GRK5: variants seen among roughly 807,000 people sequenced by gnomAD.
GRK5 encodes the protein g protein-coupled receptor kinase GRK5.
Under a neutral mutation model 78.4 loss-of-function variants are expected in GRK5, and 40 were observed. That is an observed-to-expected ratio of 0.51 (90% CI 0.40 to 0.66). GRK5 has a LOEUF of 0.66. GRK5 is among the 30% of genes least tolerant of loss of function. GRK5 has a pLI of 0.00. For synonymous variants in GRK5, 289 were observed against 296.8 expected, an observed-to-expected ratio of 0.97 and a Z score of 0.27; for missense variants, 598 against 759.9, an observed-to-expected ratio of 0.79 and a Z score of 2.50.
intron 3 of GRK5, among the ~76,000 whole-genome samples, chr10:119,391,723 C>T (rs1464720550): frequency 5.9e-5 from 9 of 152,164 alleles, no homozygotes; most frequent in South Asian, 2.1e-4. Context: ...TCTGGAGGGG[C>T]GGCCCACGTG....
chr10:119,406,103 C>T (rs1048662481), intron 4 of GRK5, among the ~76,000 whole-genome samples: 5 of 152,150 alleles, frequency 3.3e-5, no homozygotes, highest in Non-Finnish European at 5.9e-5. Context: ...GCACTGCCTG[C>T]GACTTTCTAC....
chr10:119,394,294 C>CCGTGTATCTATGTGTGTGTGTG, intron 3 of GRK5, among the ~76,000 whole-genome samples: 1 of 4,036 alleles, frequency 2.5e-4, no homozygotes, highest in African/African-American at 1.1e-3. Flanking sequence ...GGGTGTGTAT[C>CCGTGTATCTATGTGTGTGTGTG]TGTGTGTCTG....
intron 1 of GRK5, among the ~76,000 whole-genome samples, chr10:119,276,361 T>G (rs920187630): frequency 6.6e-6 from 1 of 152,190 alleles, no homozygotes; most frequent in East Asian, 1.9e-4. Flanking sequence ...TTTGGTTTTT[T>G]GTCCTTGCTA....
At chr10:119,343,162 G>A (rs1488520116) in intron 2 of GRK5, among the ~76,000 whole-genome samples, 3 of 152,196 alleles carry the variant, frequency 2.0e-5, no homozygotes, top group South Asian at 2.1e-4. Flanking sequence ...TGTGCAAGGC[G>A]GGTGGCTGCC....
At chr10:119,371,008 A>G (rs576529951) in intron 2 of GRK5, among the ~76,000 whole-genome samples, 1 of 129,506 alleles carries the variant, frequency 7.7e-6, no homozygotes, top group South Asian at 2.8e-4. Flanking sequence ...TTTACAATCA[A>G]CATGTGGTTT....
chr10:119,262,672 C>T (rs1171216472), intron 1 of GRK5, among the ~76,000 whole-genome samples: 1 of 152,006 alleles, frequency 6.6e-6, no homozygotes, highest in African/African-American at 2.4e-5. Context: ...TTTGCCTTGG[C>T]TTCAGGAAAT....
At chr10:119,413,520 A>G (rs1052601969) in intron 4 of GRK5, among the ~76,000 whole-genome samples, 38 of 152,114 alleles carry the variant, frequency 2.5e-4, no homozygotes, top group Non-Finnish European at 2.2e-4. Context: ...AGGGTTTGGA[A>G]CTGGGCAGGC....
At chr10:119,331,373 G>T (rs900454121) in intron 2 of GRK5, among the ~76,000 whole-genome samples, 1 of 152,270 alleles carries the variant, frequency 6.6e-6, no homozygotes, top group South Asian at 2.1e-4. Context: ...ACGGGGCCAG[G>T]GTCTGGGCCT....
intron 12 of GRK5, among the ~76,000 whole-genome samples, chr10:119,444,832 A>G (rs925039084): frequency 2.0e-5 from 3 of 152,198 alleles, no homozygotes; most frequent in Non-Finnish European, 4.4e-5. Context: ...CAGCGTGTGC[A>G]TTGACAACCC....
intron 2 of GRK5, among the ~76,000 whole-genome samples, chr10:119,342,568 G>A (rs921036029): frequency 4.6e-5 from 7 of 152,136 alleles, no homozygotes; most frequent in Non-Finnish European, 5.9e-5. Context: ...CCTCACAGCC[G>A]TTCATCATCG....
At chr10:119,278,949 C>T (rs997291048) in intron 1 of GRK5, among the ~76,000 whole-genome samples, 1 of 152,212 alleles carries the variant, frequency 6.6e-6, no homozygotes, top group Non-Finnish European at 1.5e-5. Flanking sequence ...GCAGTCTTGG[C>T]TCACTGCAAC....
At chr10:119,394,368 G>C (rs1851976381) in intron 3 of GRK5, among the ~76,000 whole-genome samples, 4 of 110,924 alleles carry the variant, frequency 3.6e-5, no homozygotes, top group Non-Finnish European at 6.0e-5. Context: ...GTGGGTGTGT[G>C]TGGGTGTCGG....
At chr10:119,437,892 G>A (rs1852955055) in intron 9 of GRK5, among the ~76,000 whole-genome samples, 1 of 152,198 alleles carries the variant, frequency 6.6e-6, no homozygotes, top group South Asian at 2.1e-4. Context: ...GAGGTCAGTG[G>A]TTTGAGATCA....
intron 1 of GRK5, among the ~76,000 whole-genome samples, chr10:119,294,581 G>A (rs1850046031): frequency 6.6e-6 from 1 of 152,178 alleles, no homozygotes; most frequent in African/African-American, 2.4e-5. Context: ...TGAGCCAGTG[G>A]TCAGGAGATT....
chr10:119,317,858 C>A (rs544532605), intron 1 of GRK5, among the ~76,000 whole-genome samples: 1 of 152,274 alleles, frequency 6.6e-6, no homozygotes, highest in Admixed American at 6.5e-5. Context: ...TTCCTTTTCT[C>A]ACTGATTTCC....
intron 1 of GRK5, among the ~76,000 whole-genome samples, chr10:119,241,078 G>A (rs1849017488): frequency 2.0e-5 from 3 of 152,034 alleles, no homozygotes; most frequent in South Asian, 4.1e-4. Context: ...GGTGGAGATC[G>A]GAGACTGGAA....
intron 1 of GRK5, among the ~76,000 whole-genome samples, chr10:119,324,736 G>A (rs539326904): frequency 1.3e-5 from 2 of 152,376 alleles, no homozygotes; most frequent in African/African-American, 4.8e-5. Context: ...GTATGCGCGT[G>A]TATGTTTATA....
intron 1 of GRK5, among the ~76,000 whole-genome samples, chr10:119,232,770 C>T (rs1848852650): frequency 6.6e-6 from 1 of 152,150 alleles, no homozygotes; most frequent in South Asian, 2.1e-4. Flanking sequence ...TCCAATGAAA[C>T]CTCTTTCTTT....
intron 1 of GRK5, among the ~76,000 whole-genome samples, chr10:119,297,938 T>C (rs1850111456): frequency 6.6e-6 from 1 of 152,206 alleles, no homozygotes; most frequent in African/African-American, 2.4e-5. Context: ...GCATTTGAAA[T>C]TGACTCACTG....
Sources: allele counts gnomAD v4.1 joint callset (sites outside exome capture counted in the v4.1 genomes callset), GRCh38; gene constraint gnomAD v4.1.1; transcripts MANE v1.5; gene names NCBI Gene and HGNC (gene_info 2026-07-23, HGNC 2026-07-21).